The following MCC variants were observed in gnomAD, a reference collection of about 807,000 sequenced individuals.
The protein encoded by MCC is colorectal mutant cancer protein.
A neutral mutation model predicts 116.2 loss-of-function variants in MCC; 90 were observed. The observed-to-expected ratio is 0.77, with a 90% CI of 0.65 to 0.92. MCC has a LOEUF of 0.92. Ranked by LOEUF, MCC falls within the 40% of genes least tolerant of loss-of-function variation. MCC has a pLI of 0.00. For missense variants in MCC, 1,516 were observed against 1,312.2 expected, an observed-to-expected ratio of 1.16 and a Z score of -2.40; for synonymous variants, 578 against 510.5, an observed-to-expected ratio of 1.13 and a Z score of -1.78.
intron 1 of MCC, among the ~76,000 whole-genome samples, chr5:113,431,250 T>C (rs1470161099): frequency 2.6e-5 from 4 of 152,106 alleles, no homozygotes; most frequent in Admixed American, 2.6e-4. Context: ...GGTAGGTGTA[T>C]TAGTTTGCTA....
At chr5:113,309,749 T>G (rs1416856851) in intron 3 of MCC, among the ~76,000 whole-genome samples, 1 of 152,184 alleles carries the variant, frequency 6.6e-6, no homozygotes, top group Non-Finnish European at 1.5e-5. Flanking sequence ...ATATCCAGTA[T>G]CTGGGTATTG....
chr5:113,333,603 G>C (rs953894915), intron 3 of MCC, among the ~76,000 whole-genome samples: 4 of 150,718 alleles, frequency 2.7e-5, no homozygotes, highest in Non-Finnish European at 5.9e-5. Flanking sequence ...AGACAGCCTT[G>C]AGCAGCAGGG....
intron 5 of MCC, among the ~76,000 whole-genome samples, chr5:113,124,598 C>T (rs1056323197): frequency 6.6e-6 from 1 of 152,150 alleles, no homozygotes; most frequent in Admixed American, 6.5e-5. Flanking sequence ...CTGCTTTGTA[C>T]AAAATTACTT....
intron 2 of MCC, among the ~76,000 whole-genome samples, chr5:113,348,739 G>A (rs187303161): frequency 2.3e-4 from 35 of 151,736 alleles, no homozygotes; most frequent in South Asian, 1.0e-3. Flanking sequence ...TGAAATAAAC[G>A]AAACAATACA....
chr5:113,336,312 A>G (rs1242531119), intron 3 of MCC, among the ~76,000 whole-genome samples: 1 of 151,744 alleles, frequency 6.6e-6, no homozygotes, highest in Non-Finnish European at 1.5e-5. Context: ...TGCACACATT[A>G]TTGCTAATCT....
intron 3 of MCC, among the ~76,000 whole-genome samples, chr5:113,281,076 C>G (rs1194002050): frequency 6.6e-6 from 1 of 152,184 alleles, no homozygotes; most frequent in Non-Finnish European, 1.5e-5. Flanking sequence ...GACCATTAGC[C>G]AAAACCTCAA....
At chr5:113,073,651 G>A (rs1323797220) in intron 11 of MCC, among the ~76,000 whole-genome samples, 1 of 145,928 alleles carries the variant, frequency 6.9e-6, no homozygotes, top group African/African-American at 2.6e-5. Context: ...TTCGCCATAT[G>A]GCTGCTTTTT....
At chr5:113,431,305 A>G (rs1770635982) in intron 1 of MCC, among the ~76,000 whole-genome samples, 1 of 152,132 alleles carries the variant, frequency 6.6e-6, no homozygotes, top group South Asian at 2.1e-4. Context: ...CTTAGACAAA[A>G]GAAAAGTAGT....
At chr5:113,332,308 A>T (rs928551424) in intron 3 of MCC, among the ~76,000 whole-genome samples, 22 of 151,612 alleles carry the variant, frequency 1.5e-4, no homozygotes, top group Admixed American at 3.3e-4. Context: ...CCGCCCAAGC[A>T]GTTGGAACTA....
At chr5:113,071,381 C>T (rs1284625836) in intron 11 of MCC, 147 bp from the exon 12 acceptor site, 1 of 813,332 alleles carries the variant, frequency 1.2e-6, no homozygotes, top group Non-Finnish European at 2.0e-6. Context: ...GTCAAAGAAG[C>T]AACTCTACAT....
chr5:113,258,212 T>G (rs1765091978), intron 3 of MCC, among the ~76,000 whole-genome samples: 2 of 152,228 alleles, frequency 1.3e-5, no homozygotes, highest in East Asian at 3.8e-4. Flanking sequence ...AGACAAACAT[T>G]GTATATAATA....
chr5:113,297,749 CAAAAA>C (rs57148050), intron 3 of MCC, among the ~76,000 whole-genome samples: 32 of 60,540 alleles, frequency 5.3e-4, no homozygotes, highest in African/African-American at 1.7e-3. Context: ...GACTCTGTCT[CAAAAA>C]AAAAAAAAAA....
chr5:113,398,114 C>A (rs746371947), intron 1 of MCC, among the ~76,000 whole-genome samples: 1 of 152,164 alleles, frequency 6.6e-6, no homozygotes, highest in Non-Finnish European at 1.5e-5. Flanking sequence ...CAGAGAAATG[C>A]AAATCAAAAC....
intron 1 of MCC, among the ~76,000 whole-genome samples, chr5:113,481,387 TAGTC>T: frequency 6.6e-6 from 1 of 152,026 alleles, no homozygotes; most frequent in South Asian, 2.1e-4. Flanking sequence ...ACAATCTAAA[TAGTC>T]AACAACAGAA....
intron 11 of MCC, among the ~76,000 whole-genome samples, chr5:113,078,372 C>T (rs1386506231): frequency 6.6e-6 from 1 of 152,170 alleles, no homozygotes; most frequent in African/African-American, 2.4e-5. Flanking sequence ...GAATTCCAGA[C>T]CAATATCCCT....
intron 1 of MCC, among the ~76,000 whole-genome samples, chr5:113,459,070 C>A (rs1200917010): frequency 6.7e-6 from 1 of 148,540 alleles, no homozygotes; most frequent in Non-Finnish European, 1.5e-5. Flanking sequence ...AAGACCATGG[C>A]TGGAACCTGG....
intron 3 of MCC, among the ~76,000 whole-genome samples, chr5:113,245,191 C>T (rs970830451): frequency 6.6e-6 from 1 of 151,594 alleles, no homozygotes; most frequent in Non-Finnish European, 1.5e-5. Flanking sequence ...CACCAGGAGG[C>T]CGAGGCAGGA....
At chr5:113,155,463 T>C (rs1263062404) in intron 3 of MCC, among the ~76,000 whole-genome samples, 5 of 152,202 alleles carry the variant, frequency 3.3e-5, no homozygotes, top group Non-Finnish European at 7.3e-5. Flanking sequence ...ACCTCCACAC[T>C]GTTTTCCATA....
intron 1 of MCC, among the ~76,000 whole-genome samples, chr5:113,448,711 AT>A: frequency 6.6e-6 from 1 of 152,148 alleles, no homozygotes; most frequent in South Asian, 2.1e-4. Context: ...CTTCTCTAAT[AT>A]TTTTTCCCGG....
Sources: allele counts gnomAD v4.1 joint callset (sites outside exome capture counted in the v4.1 genomes callset), GRCh38; gene constraint gnomAD v4.1.1; transcripts MANE v1.5; gene names NCBI Gene and HGNC (gene_info 2026-07-23, HGNC 2026-07-21).